Variants in ATP8B4 observed in about 807,000 individuals in gnomAD.
ATP8B4 encodes the protein ATPase phospholipid transporting 8B4 (putative).
Under a neutral mutation model 145.6 loss-of-function variants are expected in ATP8B4, and 133 were observed. The ratio of observed to expected loss-of-function variants is 0.91; its 90% confidence interval spans 0.79 to 1.05. The LOEUF (loss-of-function observed/expected upper bound fraction) is 1.05. Among genes scored for constraint, ATP8B4 ranks in the 50% least tolerant of loss-of-function variants. The pLI is 0.00. For synonymous variants in ATP8B4, 507 were observed against 492.9 expected (o/e 1.03, Z -0.38); for missense variants, 1,458 against 1,425.2 (o/e 1.02, Z -0.37).
At chr15:49,976,492 C>CCA in intron 12 of ATP8B4, among the ~76,000 whole-genome samples, 1 of 151,998 alleles carries the variant, frequency 6.6e-6, no homozygotes, top group Admixed American at 6.6e-5. Flanking sequence ...CAATAATTAG[C>CCA]CACAGAGCCA....
chr15:49,869,846 A>T (rs953017143), intron 25 of ATP8B4, among the ~76,000 whole-genome samples: 4 of 152,150 alleles, frequency 2.6e-5, no homozygotes, highest in African/African-American at 4.8e-5. Flanking sequence ...TTAAATTTTT[A>T]AAGTGTCTGT....
At chr15:50,140,789 A>G (rs949552073) in intron 1 of ATP8B4, among the ~76,000 whole-genome samples, 13 of 152,234 alleles carry the variant, frequency 8.5e-5, no homozygotes, top group African/African-American at 3.1e-4. Context: ...AGACCTTTTC[A>G]AAACATAGGG....
At chr15:49,960,770 C>T (rs1317346479) in intron 14 of ATP8B4, among the ~76,000 whole-genome samples, 1 of 152,114 alleles carries the variant, frequency 6.6e-6, no homozygotes, top group African/African-American at 2.4e-5. Context: ...TACTTATTTT[C>T]CCTAATATAG....
intron 25 of ATP8B4, among the ~76,000 whole-genome samples, chr15:49,873,008 T>C (rs34845057): frequency 0.19 from 28,996 of 152,272 alleles, 3,473 homozygotes; most frequent in Non-Finnish European, 0.27. Flanking sequence ...GCAACTCTTC[T>C]ACAAATTTAA....
rs2031312102 is a variant in ATP8B4, at chr15:49,859,897, A to T, written c.*297T>A. On this transcript the variant is annotated 3_prime_UTR_variant, in exon 28 of 28. Transcript: ENST00000284509. ...TTACAAGTTTTTCTCCATAAATAAG[A>T]TTCTAAAGTTCAGGTCAATTGGTAT... 3.1e-6 allele frequency: 1 copy of T among 321,290 alleles called. No individual in the cohort carries two copies. The highest frequency in any genetic ancestry group is 2.1e-5 in the African/African-American group (1 of 46,600). The allele number at this position is 321,290 out of a possible 1,614,324, so 19.9% of individuals were successfully genotyped here. A position where few individuals can be genotyped will look rare whatever the true frequency, so the allele number is the denominator to read the frequency against.
chr15:50,146,696 C>T (rs2044281499), intron 1 of ATP8B4, among the ~76,000 whole-genome samples: 1 of 152,140 alleles, frequency 6.6e-6, no homozygotes, highest in Non-Finnish European at 1.5e-5. Flanking sequence ...TGGTCACCAA[C>T]ATTTAGGCTC....
chr15:49,931,156 C>T lies in ATP8B4; in HGVS notation c.1605G>A (p.Leu535=). Residue 535 remains leucine, a synonymous_variant, in exon 16 of 28, where the codon TTG becomes TTA. Transcript: ENST00000284509. ...TCCTTTTTCTGGTGTTGTTGAAATC[C>T]AAAAAGGCAAGTAATTGATAAGTAA... The part of the protein sequence containing the change: ...TLVTYQLLAF[L]DFNNTRKRMS... The T allele has an allele frequency of 1.2e-6, 2 of 1,611,600 alleles. No homozygotes were observed. Among genetic ancestry groups the T allele is most frequent in the East Asian group, 2.2e-5 (1 of 44,830 alleles).
At chr15:49,988,944 T>A (rs1035683469) in intron 9 of ATP8B4, among the ~76,000 whole-genome samples, 3 of 152,238 alleles carry the variant, frequency 2.0e-5, no homozygotes, top group East Asian at 3.9e-4. Context: ...GAGGGACTTA[T>A]GTCCTCAGGG....
At chr15:49,885,733 T>C (rs1269747371) in intron 23 of ATP8B4, 1 of 118,646 alleles carries the variant, frequency 8.4e-6, no homozygotes, top group Non-Finnish European at 2.0e-5. Context: ...TACCATCACA[T>C]CCACCCCAGC....
At chr15:49,987,261 T>G in intron 10 of ATP8B4, 130 bp downstream of exon 10, 1 of 1,143,544 alleles carries the variant, frequency 8.7e-7, no homozygotes, top group South Asian at 2.0e-5. Flanking sequence ...CAATCTTAAG[T>G]CAACTCCAGA....
intron 14 of ATP8B4, among the ~76,000 whole-genome samples, chr15:49,958,609 T>C (rs1432859304): frequency 6.6e-6 from 1 of 151,790 alleles, no homozygotes; most frequent in Non-Finnish European, 1.5e-5. Flanking sequence ...TCTTTTCAAA[T>C]AAATGCGAAA....
At chr15:49,953,364 C>A (rs2043271499) in intron 14 of ATP8B4, among the ~76,000 whole-genome samples, 1 of 152,148 alleles carries the variant, frequency 6.6e-6, no homozygotes, top group Non-Finnish European at 1.5e-5. Flanking sequence ...CCCCTAGGGG[C>A]TCAGGTCCAG....
intron 2 of ATP8B4, among the ~76,000 whole-genome samples, chr15:50,087,884 A>C (rs528799471): frequency 5.7e-4 from 87 of 152,302 alleles, no homozygotes; most frequent in Admixed American, 1.6e-3. Context: ...GCAATCAAAA[A>C]TAAAAGGCCA....
chr15:50,099,346 C>T (rs1361766968), intron 2 of ATP8B4, among the ~76,000 whole-genome samples: 1 of 152,108 alleles, frequency 6.6e-6, no homozygotes, highest in Non-Finnish European at 1.5e-5. Context: ...GTAGCACAAT[C>T]AGAGCTCACT....
At chr15:50,003,824 G>A (rs2048096438) in intron 7 of ATP8B4, among the ~76,000 whole-genome samples, 1 of 152,034 alleles carries the variant, frequency 6.6e-6, no homozygotes, top group Admixed American at 6.6e-5. Context: ...AGACTGGGTG[G>A]GGCTGCACTG....
chr15:50,054,423 T>C (rs1378318994), intron 3 of ATP8B4, among the ~76,000 whole-genome samples: 2 of 152,208 alleles, frequency 1.3e-5, no homozygotes, highest in Admixed American at 6.5e-5. Context: ...CTAATGGCTA[T>C]TGCAACCAGT....
chr15:50,036,227 G>A (rs2050825550), intron 6 of ATP8B4, among the ~76,000 whole-genome samples: 1 of 152,134 alleles, frequency 6.6e-6, no homozygotes, highest in Non-Finnish European at 1.5e-5. Flanking sequence ...CAGAGGAAAG[G>A]GGAAGAAGCC....
chr15:50,151,115 G>A lies in ATP8B4; in HGVS notation c.-43+31146C>T, dbSNP rs530340990. On this transcript the variant is annotated intron_variant, in intron 1 of 3. Transcript: ENST00000558829. The stretch of plus-strand genomic sequence containing the variant: ...CTAGTTTCAGCTTATAGGGCTTCAG[G>A]AATGGAGCATTTTCAATTTTTAGCA... Among the ~76,000 whole-genome samples, 677 of 152,296 alleles carry A rather than the reference G, an allele frequency of 4.4e-3. 3 individuals are homozygous for A. The highest frequency in any genetic ancestry group is 8.2e-3 in the Non-Finnish European group (556 of 68,028).
intron 25 of ATP8B4, among the ~76,000 whole-genome samples, chr15:49,873,957 A>G (rs2034019755): frequency 6.6e-6 from 1 of 152,248 alleles, no homozygotes; most frequent in South Asian, 2.1e-4. Context: ...TAAACACATC[A>G]GTTATAATGA....
Sources: gnomAD v4.1 joint callset for allele counts (sites outside exome capture counted in the v4.1 genomes callset) on GRCh38, gnomAD v4.1.1 for gene constraint, MANE v1.5 for transcripts, NCBI Gene and HGNC (gene_info 2026-07-23, HGNC 2026-07-21) for gene names.